The following SLIT3 variants were observed in gnomAD, a reference collection of about 807,000 sequenced individuals.
The protein encoded by SLIT3 is slit guidance ligand 3.
SLIT3 carries 68 observed loss-of-function variants against 184.0 expected under a neutral mutation model. The ratio of observed to expected loss-of-function variants is 0.37; its 90% CI spans 0.30 to 0.45. The LOEUF is 0.45. Ranked by LOEUF, SLIT3 falls within the 20% of genes least tolerant of loss-of-function variation. The pLI is 1.00. For synonymous variants in SLIT3, 831 were observed against 828.6 expected, an observed-to-expected ratio of 1.00 and a Z score of -0.05; for missense variants, 1,707 against 2,026.0, an observed-to-expected ratio of 0.84 and a Z score of 3.02.
chr5:168,847,370 G>A (rs1758509110), intron 5 of SLIT3, among the ~76,000 whole-genome samples: 1 of 152,122 alleles, frequency 6.6e-6, no homozygotes, highest in Non-Finnish European at 1.5e-5. Context: ...CAACCATGAT[G>A]GTCAAGGAGC....
intron 3 of SLIT3, among the ~76,000 whole-genome samples, chr5:169,209,643 G>A (rs1290644233): frequency 2.6e-5 from 4 of 152,208 alleles, no homozygotes; most frequent in African/African-American, 9.7e-5. Context: ...CACATCCTTT[G>A]CAGGGACATG....
intron 29 of SLIT3, among the ~76,000 whole-genome samples, chr5:168,689,418 G>C (rs1311265038): frequency 6.6e-6 from 1 of 152,182 alleles, no homozygotes; most frequent in Non-Finnish European, 1.5e-5. Flanking sequence ...AGGACATCTG[G>C]AGTCTCTGGA....
At chr5:168,780,896 T>A (rs1755945997) in intron 12 of SLIT3, among the ~76,000 whole-genome samples, 1 of 152,202 alleles carries the variant, frequency 6.6e-6, no homozygotes, top group African/African-American at 2.4e-5. Flanking sequence ...TGACAGCTGA[T>A]GCCATGAATT....
intron 1 of SLIT3, among the ~76,000 whole-genome samples, chr5:169,268,518 C>T (rs1375444231): frequency 3.3e-5 from 5 of 152,294 alleles, no homozygotes; most frequent in Non-Finnish European, 4.4e-5. Flanking sequence ...ATATAAACTC[C>T]TTGAAAGCAG....
At chr5:169,147,801 C>T (rs1225976542) in intron 4 of SLIT3, among the ~76,000 whole-genome samples, 1 of 152,066 alleles carries the variant, frequency 6.6e-6, no homozygotes, top group Non-Finnish European at 1.5e-5. Flanking sequence ...TGTCAAGTAT[C>T]CCTGGGCCTT....
chr5:168,967,509 G>T (rs912019070), intron 4 of SLIT3, among the ~76,000 whole-genome samples: 4 of 103,442 alleles, frequency 3.9e-5, no homozygotes, highest in African/African-American at 1.1e-4. Flanking sequence ...GCGGGATCTC[G>T]GCTCACTGCA....
At chr5:168,737,719 T>G (rs1344065689) in intron 20 of SLIT3, among the ~76,000 whole-genome samples, 2 of 152,270 alleles carry the variant, frequency 1.3e-5, no homozygotes, top group Non-Finnish European at 1.5e-5. Flanking sequence ...CAGCACTGGA[T>G]TCTGCATTTC....
intron 3 of SLIT3, among the ~76,000 whole-genome samples, chr5:169,231,162 T>C (rs10079601): frequency 0.12 from 18,929 of 152,174 alleles, 2,214 homozygotes; most frequent in African/African-American, 0.29. Flanking sequence ...GTCAGAGCCA[T>C]GCATGAAATT....
chr5:168,992,710 C>A (rs1755370277), intron 4 of SLIT3, among the ~76,000 whole-genome samples: 2 of 152,216 alleles, frequency 1.3e-5, no homozygotes, highest in African/African-American at 4.8e-5. Context: ...CTGATGTGTT[C>A]TGTGGAACCT....
chr5:168,843,236 T>C (rs1758330411), intron 6 of SLIT3, among the ~76,000 whole-genome samples: 1 of 152,060 alleles, frequency 6.6e-6, no homozygotes, highest in East Asian at 1.9e-4. Context: ...TCCTCTCAAA[T>C]AATGTGGAGA....
At chr5:168,687,209 C>T in intron 29 of SLIT3, 93 bp from the exon 30 acceptor site, 1 of 1,434,548 alleles carries the variant, frequency 7.0e-7, no homozygotes, top group Non-Finnish European at 9.7e-7. Context: ...GGCCTCTCCC[C>T]ATCTCTTCTA....
intron 4 of SLIT3, among the ~76,000 whole-genome samples, chr5:169,063,475 G>A (rs1286231861): frequency 6.6e-6 from 1 of 152,214 alleles, no homozygotes; most frequent in Non-Finnish European, 1.5e-5. Context: ...CAGATTTCCT[G>A]GAACTGAGGC....
At chr5:169,035,037 C>T (rs1375114928) in intron 4 of SLIT3, among the ~76,000 whole-genome samples, 1 of 151,810 alleles carries the variant, frequency 6.6e-6, no homozygotes, top group East Asian at 1.9e-4. Context: ...CCACCTTGGC[C>T]TCCCAAAGTG....
chr5:169,160,427 G>T lies in SLIT3; in HGVS notation c.413+33052C>A, dbSNP rs533617803. Among the ~76,000 whole-genome samples, 5 of 152,316 alleles carry T rather than the reference G, an allele frequency of 3.3e-5. No homozygotes were observed. The East Asian group carries it at 9.6e-4, about 29-fold the overall frequency. The stretch of plus-strand genomic sequence containing the variant: ...GTGAAATACCTAAGAAAAAAGAGAC[G>T]TGTCCATTCCTCTTAGCCTGGGTGA... On this transcript the variant is annotated intron_variant, in intron 4 of 35. Coordinates refer to ENST00000519560, the MANE Select transcript of SLIT3 (RefSeq NM_003062.4).
chr5:168,787,565 C>T (rs958003645), intron 11 of SLIT3, among the ~76,000 whole-genome samples: 7 of 151,276 alleles, frequency 4.6e-5, no homozygotes, highest in African/African-American at 1.7e-4. Flanking sequence ...CACCTGTTAC[C>T]CTATTTTAGT....
chr5:168,871,517 C>T (rs541483813), intron 5 of SLIT3, among the ~76,000 whole-genome samples: 1 of 152,190 alleles, frequency 6.6e-6, no homozygotes, highest in East Asian at 1.9e-4. Context: ...TACTTTATAC[C>T]TAGCCCATTA....
intron 4 of SLIT3, among the ~76,000 whole-genome samples, chr5:168,990,960 T>C (rs568585961): frequency 5.3e-5 from 8 of 152,214 alleles, no homozygotes; most frequent in Non-Finnish European, 8.8e-5. Context: ...CATTTGCTGC[T>C]TTCATTGGGC....
intron 4 of SLIT3, among the ~76,000 whole-genome samples, chr5:168,909,537 T>C (rs1562000988): frequency 2.0e-5 from 3 of 152,334 alleles, no homozygotes; most frequent in South Asian, 4.1e-4. Context: ...CCATTTATCA[T>C]TGAGCTTGCG....
chr5:169,021,649 C>A (rs1305639444), intron 4 of SLIT3, among the ~76,000 whole-genome samples: 3 of 152,176 alleles, frequency 2.0e-5, no homozygotes, highest in Non-Finnish European at 4.4e-5. Flanking sequence ...CCGTGCCCAG[C>A]CAAGATAGTA....
Sources: gnomAD v4.1 joint callset for allele counts (sites outside exome capture counted in the v4.1 genomes callset) on GRCh38, gnomAD v4.1.1 for gene constraint, MANE v1.5 for transcripts, NCBI Gene and HGNC (gene_info 2026-07-23, HGNC 2026-07-21) for gene names.